The following FOCAD variants were observed in gnomAD, a reference collection of about 807,000 sequenced individuals.
FOCAD encodes the protein KIAA1797.
FOCAD carries 198 observed loss-of-function variants against 225.6 expected under a neutral mutation model. That is an observed-to-expected ratio of 0.88 (90% CI 0.78 to 0.99). The LOEUF is 0.99. Among genes scored for constraint, FOCAD ranks in the 50% least tolerant of loss-of-function variants. The pLI, the probability that FOCAD is intolerant of heterozygous loss-of-function variation, is 0.00. For missense variants in FOCAD, 2,713 were observed against 2,123.6 expected (o/e 1.28, Z -5.46); for synonymous variants, 897 against 755.0 (o/e 1.19, Z -3.08).
Position 20,986,373 on chromosome 9 carries a change from G to GCCAA in FOCAD, c.4815_4816insCAAC (p.Val1606GlnfsTer8). The GCCAA allele has an allele frequency of 6.2e-7, 1 of 1,607,894 alleles. No homozygotes were observed. On this transcript the variant is annotated frameshift_variant, in exon 40 of 44. Coordinates refer to ENST00000338382, the MANE Select transcript of FOCAD (RefSeq NM_001375567.1). LOFTEE classifies it high-confidence loss of function. ...TTGGTGAACCTGACCGATATGCTGA[G>GCCAA]CGTTGCTGTGCAGCACCGTGAGAAA...
intron 2 of FOCAD, among the ~76,000 whole-genome samples, chr9:20,679,121 A>ATGTGTGTGTGTGTGTGTG (rs539231126): frequency 4.1e-5 from 5 of 121,942 alleles, no homozygotes; most frequent in Non-Finnish European, 8.6e-5. Flanking sequence ...CAGTCTGTGT[A>ATGTGTGTGTGTGTGTGTG]TGTGTGTGTG....
intron 28 of FOCAD, among the ~76,000 whole-genome samples, chr9:20,943,954 G>C (rs1836920640): frequency 1.3e-5 from 2 of 152,198 alleles, no homozygotes; most frequent in African/African-American, 4.8e-5. Context: ...CAAAGCCCTA[G>C]ATTTCAATTG....
At chr9:20,794,526 T>A (rs986573048) in intron 11 of FOCAD, among the ~76,000 whole-genome samples, 27 of 152,012 alleles carry the variant, frequency 1.8e-4, no homozygotes, top group Non-Finnish European at 2.9e-5. Flanking sequence ...GATGGAAACT[T>A]AAAACACACC....
intron 6 of FOCAD, among the ~76,000 whole-genome samples, chr9:20,761,466 G>GCAACT (rs1829589348): frequency 6.6e-6 from 1 of 151,996 alleles, no homozygotes; most frequent in African/African-American, 2.4e-5. Flanking sequence ...TGTTGCCCAG[G>GCAACT]CTGGAGTGCA....
chr9:20,926,019 T>G (rs2132163576), intron 25 of FOCAD, among the ~76,000 whole-genome samples: 1 of 152,324 alleles, frequency 6.6e-6, no homozygotes, highest in South Asian at 2.1e-4. Flanking sequence ...GCAGGAGAGC[T>G]CTGAAGGGCT....
At chr9:20,961,551 G>A (rs745968576) in intron 35 of FOCAD, among the ~76,000 whole-genome samples, 3 of 152,086 alleles carry the variant, frequency 2.0e-5, no homozygotes, top group African/African-American at 4.8e-5. Context: ...TCTCTAGGCC[G>A]TTTCAGTGGA....
chr9:20,754,461 A>T (rs748666505), intron 5 of FOCAD, among the ~76,000 whole-genome samples: 1 of 151,936 alleles, frequency 6.6e-6, no homozygotes, highest in East Asian at 1.9e-4. Flanking sequence ...TTTGATAACT[A>T]TATTTCCATA....
intron 24 of FOCAD, among the ~76,000 whole-genome samples, chr9:20,917,156 C>A (rs1380465141): frequency 6.6e-6 from 1 of 151,872 alleles, no homozygotes; most frequent in Non-Finnish European, 1.5e-5. Flanking sequence ...TAACATATAA[C>A]TTTTACATCA....
rs1837355647 is a variant in FOCAD at position 20,948,128 on chromosome 9, T to TTG, written c.3676-143_3676-142insTG. On this transcript the variant is annotated intron_variant, in intron 30 of 43. Coordinates refer to ENST00000338382, the MANE Select transcript of FOCAD (RefSeq NM_001375567.1). ...AAAAAACAAAAAACAAAAAAACACT[T>TTG]AAGTCTGATTTTTCATATGACAAAT... The TTG allele has an allele frequency of 8.2e-6, 7 of 853,552 alleles. No individual in the cohort carries two copies. In the Admixed American group the frequency reaches 2.3e-4, roughly 28 times the overall value. The allele number at this position is 853,552 out of a possible 1,614,324, so 52.9% of individuals were successfully genotyped here.
intron 7 of FOCAD, among the ~76,000 whole-genome samples, chr9:20,766,765 G>C (rs1830084754): frequency 6.6e-6 from 1 of 151,120 alleles, no homozygotes; most frequent in African/African-American, 2.4e-5. Flanking sequence ...GTTTATTGTT[G>C]CTCAAAATAT....
chr9:20,803,476 A>C (rs1468380679), intron 11 of FOCAD, among the ~76,000 whole-genome samples: 1 of 152,154 alleles, frequency 6.6e-6, no homozygotes, highest in Non-Finnish European at 1.5e-5. Context: ...AGAGTACTGC[A>C]GTATAGGGAT....
At chr9:20,948,141 T>C (rs1363059563) in intron 30 of FOCAD, 130 bp from the exon 31 acceptor site, 1 of 928,808 alleles carries the variant, frequency 1.1e-6, no homozygotes. Flanking sequence ...GTCTGATTTT[T>C]CATATGACAA....
chr9:20,803,060 A>G (rs1407313210), intron 11 of FOCAD, among the ~76,000 whole-genome samples: 2 of 152,040 alleles, frequency 1.3e-5, no homozygotes, highest in East Asian at 3.9e-4. Flanking sequence ...GTGACATTTT[A>G]CTTTATATGT....
chr9:20,663,610 A>G (rs756734561), intron 2 of FOCAD, among the ~76,000 whole-genome samples: 8 of 152,210 alleles, frequency 5.3e-5, no homozygotes, highest in Non-Finnish European at 1.2e-4. Context: ...AACAATTCTA[A>G]GACATGGGCC....
rs1328309695 is a variant in FOCAD, at chr9:20,955,717, CT to C, written c.4132+2653del. The stretch of plus-strand genomic sequence containing the variant: ...CTCCTAACATGGATATTTTTTCCCC[CT>C]GAAGAACCTCTGACTTTTGACTTTT... On this transcript the variant is annotated intron_variant, in intron 35 of 43. Coordinates refer to ENST00000338382, the MANE Select transcript of FOCAD (RefSeq NM_001375567.1). 2.6e-5 allele frequency among the ~76,000 whole-genome samples: 4 copies of C among 152,118 alleles called. No individual in the cohort carries two copies. The South Asian group carries it at 6.2e-4, about 24-fold the overall frequency.
chr9:20,766,776 G>A (rs903247994), intron 7 of FOCAD, among the ~76,000 whole-genome samples: 5 of 151,738 alleles, frequency 3.3e-5, no homozygotes, highest in African/African-American at 9.7e-5. Flanking sequence ...CTCAAAATAT[G>A]CTACTATGAA....
At chr9:20,849,257 T>A (rs1276661477) in intron 15 of FOCAD, among the ~76,000 whole-genome samples, 6 of 151,942 alleles carry the variant, frequency 3.9e-5, no homozygotes, top group Non-Finnish European at 5.9e-5. Flanking sequence ...CATTTCTTCT[T>A]GGTGCCCTTT....
At chr9:20,896,840 T>A (rs1000256843) in intron 21 of FOCAD, 1 of 151,904 alleles carries the variant, frequency 6.6e-6, no homozygotes, top group East Asian at 1.9e-4. Context: ...GAATGTTACA[T>A]GTGAGCTTGA....
chr9:20,897,869 C>A (rs574192481), intron 21 of FOCAD, among the ~76,000 whole-genome samples: 2 of 151,884 alleles, frequency 1.3e-5, no homozygotes, highest in Admixed American at 6.6e-5. Flanking sequence ...AGCTTCTGAT[C>A]TCTATAATTT....
Sources: allele counts gnomAD v4.1 joint callset (sites outside exome capture counted in the v4.1 genomes callset), GRCh38; gene constraint gnomAD v4.1.1; transcripts MANE v1.5; gene names NCBI Gene and HGNC (gene_info 2026-07-23, HGNC 2026-07-21).